Variants in FRMD6 observed in about 807,000 individuals in gnomAD.
FRMD6 encodes the protein FERM domain-containing protein 6.
A neutral mutation model predicts 73.2 loss-of-function variants in FRMD6; 37 were observed. The observed-to-expected ratio is 0.51, with a 90% CI of 0.39 to 0.66. FRMD6 has a LOEUF of 0.66. FRMD6 is among the 30% of genes least tolerant of loss of function. The pLI is 0.00. For synonymous variants in FRMD6, 273 were observed against 282.2 expected (o/e 0.97, Z 0.33); for missense variants, 714 against 780.5 (o/e 0.91, Z 1.02).
At chr14:51,571,440 T>A (rs1052500151) in intron 2 of FRMD6, among the ~76,000 whole-genome samples, 1 of 152,224 alleles carries the variant, frequency 6.6e-6, no homozygotes, top group Non-Finnish European at 1.5e-5. Context: ...TTCTCCACAC[T>A]ATCCAGTATC....
intron 2 of FRMD6, among the ~76,000 whole-genome samples, chr14:51,580,286 G>A (rs1457203895): frequency 1.3e-5 from 2 of 152,136 alleles, no homozygotes; most frequent in Non-Finnish European, 2.9e-5. Flanking sequence ...CAGCTATAGG[G>A]GCACAGGAGG....
At chr14:51,529,850 C>T (rs983163559) in intron 1 of FRMD6, among the ~76,000 whole-genome samples, 1 of 152,188 alleles carries the variant, frequency 6.6e-6, no homozygotes, top group Non-Finnish European at 1.5e-5. Flanking sequence ...AAGAATGGCA[C>T]AAACCAACAA....
At chr14:51,591,058 G>GT (rs953405330) in intron 2 of FRMD6, among the ~76,000 whole-genome samples, 22 of 151,998 alleles carry the variant, frequency 1.4e-4, no homozygotes, top group Middle Eastern at 3.4e-3. Context: ...CTGCTGTGGG[G>GT]TTTTTTTTGG....
intron 2 of FRMD6, chr14:51,692,899 A>G (rs1047546041): frequency 7.2e-5 from 11 of 152,166 alleles, no homozygotes; most frequent in African/African-American, 2.4e-4. Flanking sequence ...AATAGATGCT[A>G]TAGATACTCT....
intron 1 of FRMD6, among the ~76,000 whole-genome samples, chr14:51,660,238 A>T (rs544325137): frequency 6.6e-6 from 1 of 152,318 alleles, no homozygotes; most frequent in East Asian, 1.9e-4. Context: ...AATGTGTTTC[A>T]TGTCTAGTTG....
At chr14:51,439,373 A>G in the FRMD6 span, among the ~76,000 whole-genome samples, 6 of 152,232 alleles carry the variant, frequency 3.9e-5, no homozygotes, top group Non-Finnish European at 8.8e-5. Flanking sequence ...AAGCACAGCT[A>G]GAAATAAGAG....
rs192242407 is a variant in FRMD6, at chr14:51,624,873, T to A, written c.-147+54463T>A. 2.5e-3 allele frequency among the ~76,000 whole-genome samples: 384 copies of A among 152,338 alleles called. 1 individual carries two copies. The highest frequency in any genetic ancestry group is 8.8e-3 in the African/African-American group (366 of 41,572). ...AATGTGTCTGGAAGAGTAACTTGCC[T>A]GCTTAAAACTCACTAAAATAACTGT... On this transcript the variant is annotated intron_variant, in intron 2 of 14. Transcript: ENST00000356218.
the FRMD6 span, among the ~76,000 whole-genome samples, chr14:51,419,772 A>C: frequency 6.6e-6 from 1 of 152,156 alleles, no homozygotes; most frequent in Non-Finnish European, 1.5e-5. Flanking sequence ...AAGGTCTACA[A>C]TCTCTTGTGT....
chr14:51,644,395 ACTCT>A (rs71121654), intron 2 of FRMD6, among the ~76,000 whole-genome samples: 26,253 of 145,592 alleles, frequency 0.18, 2,342 homozygotes, highest in South Asian at 0.23. Context: ...ACACTCACTC[ACTCT>A]CTCTCTCTCT....
At chr14:51,562,560 C>T (rs557729144) in intron 1 of FRMD6, among the ~76,000 whole-genome samples, 2 of 152,250 alleles carry the variant, frequency 1.3e-5, no homozygotes, top group South Asian at 4.1e-4. Flanking sequence ...CTAGATAAAG[C>T]TTCTCCAGTT....
At chr14:51,534,311 C>T (rs925054628) in intron 1 of FRMD6, among the ~76,000 whole-genome samples, 1 of 152,236 alleles carries the variant, frequency 6.6e-6, no homozygotes, top group Non-Finnish European at 1.5e-5. Flanking sequence ...TTTTGTCACT[C>T]TACCCATGGT....
intron 1 of FRMD6, among the ~76,000 whole-genome samples, chr14:51,526,091 C>T (rs932528438): frequency 5.9e-5 from 9 of 152,170 alleles, no homozygotes; most frequent in South Asian, 4.1e-4. Context: ...AATTGATCTT[C>T]GCTTCTTAAC....
At chr14:51,660,010 A>G (rs1178470974) in intron 1 of FRMD6, among the ~76,000 whole-genome samples, 3 of 152,196 alleles carry the variant, frequency 2.0e-5, no homozygotes, top group African/African-American at 7.2e-5. Flanking sequence ...AAGGTACAGG[A>G]TCCTCTAGAA....
chr14:51,544,523 T>G (rs1886359396), intron 1 of FRMD6, among the ~76,000 whole-genome samples: 1 of 152,096 alleles, frequency 6.6e-6, no homozygotes, highest in Non-Finnish European at 1.5e-5. Context: ...TAAGTTGAGC[T>G]GTTGAGGAAT....
chr14:51,431,768 T>G, the FRMD6 span, among the ~76,000 whole-genome samples: 1 of 152,200 alleles, frequency 6.6e-6, no homozygotes, highest in African/African-American at 2.4e-5. Flanking sequence ...AAGGGGACCC[T>G]AAGGATAGAT....
chr14:51,660,769 G>A (rs1021090345), intron 1 of FRMD6, among the ~76,000 whole-genome samples: 3 of 152,148 alleles, frequency 2.0e-5, no homozygotes, highest in Non-Finnish European at 4.4e-5. Flanking sequence ...GAGTGCTGGG[G>A]GAGGGAGGCA....
chr14:51,454,219 C>T, the FRMD6 span, among the ~76,000 whole-genome samples: 1 of 152,224 alleles, frequency 6.6e-6, no homozygotes, highest in Non-Finnish European at 1.5e-5. Flanking sequence ...GTACACAATG[C>T]TTTCCAGGGT....
At chr14:51,656,049 C>T (rs1267568470) in intron 1 of FRMD6, among the ~76,000 whole-genome samples, 1 of 152,188 alleles carries the variant, frequency 6.6e-6, no homozygotes, top group East Asian at 1.9e-4. Flanking sequence ...AGAGGGGGCT[C>T]TACAGCAGTA....
At chr14:51,529,597 A>G (rs1212855556) in intron 1 of FRMD6, among the ~76,000 whole-genome samples, 2 of 152,208 alleles carry the variant, frequency 1.3e-5, no homozygotes, top group African/African-American at 4.8e-5. Flanking sequence ...CTAGTGGATC[A>G]GGAAAAAGAA....
Sources: allele counts gnomAD v4.1 joint callset (sites outside exome capture counted in the v4.1 genomes callset), GRCh38; gene constraint gnomAD v4.1.1; transcripts MANE v1.5; gene names NCBI Gene and HGNC (gene_info 2026-07-23, HGNC 2026-07-21).